The following HNRNPC variants were observed in gnomAD, a reference collection of about 807,000 sequenced individuals.
HNRNPC encodes heterogeneous nuclear ribonucleoprotein C, also known as heterogeneous nuclear ribonucleoproteins C1/C2.
In HNRNPC, 3 loss-of-function variants were observed where a neutral mutation model predicts 33.2. That is an observed-to-expected ratio of 0.09 (90% confidence interval 0.04 to 0.23). The LOEUF is 0.23. HNRNPC is among the 10% of genes least tolerant of loss of function. The probability of loss-of-function intolerance (pLI) is 1.00; values close to 1 mark genes in which losing one functional copy is unlikely to be tolerated. For synonymous variants in HNRNPC, 121 were observed against 126.7 expected, an observed-to-expected ratio of 0.96 and a Z score of 0.30; for missense variants, 143 against 366.7, an observed-to-expected ratio of 0.39 and a Z score of 4.98.
intron 1 of HNRNPC, among the ~76,000 whole-genome samples, chr14:21,268,027 C>T (rs1879307448): frequency 6.6e-6 from 1 of 151,952 alleles, no homozygotes; most frequent in Non-Finnish European, 1.5e-5. Context: ...AATTTCTTAC[C>T]CTGCAGAATG....
intron 1 of HNRNPC, among the ~76,000 whole-genome samples, chr14:21,268,921 T>C (rs759110158): frequency 2.6e-5 from 4 of 151,956 alleles, no homozygotes; most frequent in South Asian, 2.1e-4. Flanking sequence ...ACTTTTTACA[T>C]GTAAGAAGAA....
At chr14:21,260,437 G>T (rs1364194700) in intron 2 of HNRNPC, among the ~76,000 whole-genome samples, 2 of 149,780 alleles carry the variant, frequency 1.3e-5, no homozygotes, top group East Asian at 3.9e-4. Context: ...TAAATTTAAA[G>T]TTATAAATAA....
At chr14:21,218,681 CAAAAAAAAAAAAAAAAA>C (rs71112557) in intron 5 of HNRNPC, among the ~76,000 whole-genome samples, 1 of 51,248 alleles carries the variant, frequency 2.0e-5, no homozygotes. Context: ...AACTCTCTCT[CAAAAAAAAAAAAAAAAA>C]AAAAAAAAAA....
At chr14:21,256,433 G>A (rs1193734759) in intron 2 of HNRNPC, among the ~76,000 whole-genome samples, 2 of 151,654 alleles carry the variant, frequency 1.3e-5, no homozygotes, top group South Asian at 2.1e-4. Context: ...TGGGCAAAGA[G>A]AGCAAAACTC....
chr14:21,244,254 G>A (rs1302793688), intron 2 of HNRNPC, among the ~76,000 whole-genome samples: 1 of 152,146 alleles, frequency 6.6e-6, no homozygotes, highest in Non-Finnish European at 1.5e-5. Context: ...CGACCTCCAC[G>A]TTCCAAAAGT....
chr14:21,219,502 G>C (rs1442558182), intron 5 of HNRNPC, among the ~76,000 whole-genome samples: 1 of 152,164 alleles, frequency 6.6e-6, no homozygotes, highest in Non-Finnish European at 1.5e-5. Flanking sequence ...AATTCAAAAA[G>C]ACGTTTTCTA....
In HNRNPC at chr14:21,212,957, T is replaced by A; in HGVS notation, c.523+3A>T. 1.2e-6 allele frequency: 2 copies of A among 1,613,696 alleles called. No individual in the cohort carries two copies. The highest frequency in any genetic ancestry group is 1.7e-6 in the Non-Finnish European group (2 of 1,179,822). Reference sequence around the variant, plus strand: ...CAAAATCACAAAATGAAATAATACATACACTTTCCAGACTTGGAAGATCCC... The same window carrying A: ...CAAAATCACAAAATGAAATAATACAAACACTTTCCAGACTTGGAAGATCCC... On this transcript the variant is annotated splice_donor_region_variant and intron_variant, in intron 6 of 8. Coordinates refer to ENST00000553300, the MANE Select transcript of HNRNPC (RefSeq NM_004500.4).
At chr14:21,258,048 TA>T (rs1877527171) in intron 2 of HNRNPC, among the ~76,000 whole-genome samples, 1 of 152,210 alleles carries the variant, frequency 6.6e-6, no homozygotes, top group Non-Finnish European at 1.5e-5. Flanking sequence ...ATTTTAATAA[TA>T]AAAGTCCAAA....
In HNRNPC at chr14:21,253,793, C is replaced by T. The variant is rs188225336; in HGVS notation, c.-37+9518G>A. Among the ~76,000 whole-genome samples, 179 of 152,098 alleles carry T rather than the reference C, an allele frequency of 1.2e-3. 1 individual carries two copies. The highest frequency in any genetic ancestry group is 3.4e-3 in the African/African-American group (143 of 41,496). ...ACTTTTTAAAATGTGCGGCCAGGCG[C>T]GGTGGCTCAGGCCTGTAATCCCAGC... On this transcript the variant is annotated intron_variant, in intron 2 of 8. Coordinates refer to ENST00000553300, the MANE Select transcript of HNRNPC (RefSeq NM_004500.4).
At chr14:21,263,833 T>C in intron 1 of HNRNPC, 1 of 152,140 alleles carries the variant, frequency 6.6e-6, no homozygotes. Flanking sequence ...TGCTGCCCTG[T>C]GAAAGGAGAA....
intron 1 of HNRNPC, among the ~76,000 whole-genome samples, chr14:21,266,851 G>A (rs1306803979): frequency 6.6e-6 from 1 of 151,804 alleles, no homozygotes; most frequent in Admixed American, 6.6e-5. Context: ...AGCACCTTGG[G>A]AGGCCAAGGC....
chr14:21,221,619 G>C (rs1428316969), intron 5 of HNRNPC, among the ~76,000 whole-genome samples: 1 of 152,184 alleles, frequency 6.6e-6, no homozygotes, highest in Non-Finnish European at 1.5e-5. Flanking sequence ...GGAATTATAA[G>C]AAACAGTTAA....
chr14:21,266,284 G>C (rs571772111), intron 1 of HNRNPC, among the ~76,000 whole-genome samples: 1 of 152,034 alleles, frequency 6.6e-6, no homozygotes, highest in South Asian at 2.1e-4. Context: ...ATTTTCAGTA[G>C]AGATGGGGGT....
At chr14:21,253,173 TAAA>T (rs544647664) in intron 2 of HNRNPC, among the ~76,000 whole-genome samples, 3 of 118,764 alleles carry the variant, frequency 2.5e-5, no homozygotes, top group Non-Finnish European at 3.6e-5. Context: ...ACTCTGTCTT[TAAA>T]AAAAAAAAAA....
At position 21,231,087 on chromosome 14, in the gene HNRNPC, T is replaced by C. The variant is rs181792244; in HGVS notation, c.242-15A>G. 6.9e-6 allele frequency: 11 copies of C among 1,602,468 alleles called. No homozygotes were observed. In the Admixed American group the frequency reaches 8.5e-5, roughly 12 times the overall value. ...CAGGTTAATATCTGAAAAACAAAAG[T>C]AAAAATGTTAATGACAACTTTGTAT... is the stretch of plus-strand genomic sequence containing the variant. On this transcript the variant is annotated splice_polypyrimidine_tract_variant and intron_variant, in intron 3 of 8. Coordinates refer to ENST00000553300, the MANE Select transcript of HNRNPC (RefSeq NM_004500.4).
intron 5 of HNRNPC, among the ~76,000 whole-genome samples, chr14:21,216,153 T>A (rs1892166087): frequency 6.8e-6 from 1 of 147,546 alleles, no homozygotes. Context: ...ACAAAGAATG[T>A]CTACCCCAAT....
intron 5 of HNRNPC, among the ~76,000 whole-genome samples, chr14:21,221,509 T>G (rs542494478): frequency 9.2e-5 from 14 of 152,332 alleles, no homozygotes; most frequent in African/African-American, 3.1e-4. Context: ...AATCTATAAT[T>G]TACTGTCTAT....
At chr14:21,211,359 T>A (rs757685267) in intron 8 of HNRNPC, 47 bp downstream of exon 8, 1 of 1,612,360 alleles carries the variant, frequency 6.2e-7, no homozygotes, top group Non-Finnish European at 8.5e-7. Flanking sequence ...CATGTGTCCC[T>A]GAGCCCCCCT....
chr14:21,265,486 GACCAACTTTAGC>G (rs1566652237), intron 1 of HNRNPC: 1 of 152,124 alleles, frequency 6.6e-6, no homozygotes, highest in Non-Finnish European at 1.5e-5. Context: ...CTCATAAAAA[GACCAACTTTAGC>G]ACCATTTTCA....
Sources: allele counts gnomAD v4.1 joint callset (sites outside exome capture counted in the v4.1 genomes callset), GRCh38; gene constraint gnomAD v4.1.1; transcripts MANE v1.5; gene names NCBI Gene and HGNC (gene_info 2026-07-23, HGNC 2026-07-21).